Variants in GNAL observed in about 807,000 individuals in gnomAD.
GNAL encodes the protein G protein subunit alpha L.
GNAL carries 18 observed loss-of-function variants against 55.1 expected under a neutral mutation model. The observed-to-expected ratio is 0.33, with a 90% confidence interval of 0.23 to 0.48. The LOEUF (loss-of-function observed/expected upper bound fraction) is 0.48. Ranked by LOEUF, GNAL falls within the 20% of genes least tolerant of loss-of-function variation. The probability of loss-of-function intolerance (pLI) is 0.99; values close to 1 mark genes in which losing one functional copy is unlikely to be tolerated. For synonymous variants in GNAL, 253 were observed against 237.0 expected, an observed-to-expected ratio of 1.07 and a Z score of -0.62; for missense variants, 412 against 614.1, an observed-to-expected ratio of 0.67 and a Z score of 3.48.
intron 1 of GNAL, among the ~76,000 whole-genome samples, chr18:11,691,029 C>T (rs1452514955): frequency 3.4e-5 from 5 of 148,486 alleles, no homozygotes; most frequent in South Asian, 4.2e-4. Flanking sequence ...CCTGAGGAAT[C>T]GCCACACTGA....
intron 11 of GNAL, among the ~76,000 whole-genome samples, chr18:11,880,475 T>C (rs1293453012): frequency 6.6e-6 from 1 of 151,850 alleles, no homozygotes; most frequent in Non-Finnish European, 1.5e-5. Context: ...CTTGAGAGGC[T>C]GAGGCAGGAG....
intron 4 of GNAL, among the ~76,000 whole-genome samples, chr18:11,814,145 T>A (rs62097369): frequency 0.039 from 5,902 of 152,278 alleles, 135 homozygotes; most frequent in Middle Eastern, 0.054. Flanking sequence ...AATATTTCTT[T>A]GATAGAACAC....
chr18:11,855,541 A>T (rs2035986605), intron 5 of GNAL, among the ~76,000 whole-genome samples: 1 of 152,160 alleles, frequency 6.6e-6, no homozygotes, highest in Non-Finnish European at 1.5e-5. Flanking sequence ...CCCAGATGAT[A>T]CTGTGTGTGC....
chr18:11,777,570 G>T (rs530861789), intron 4 of GNAL, among the ~76,000 whole-genome samples: 1 of 152,328 alleles, frequency 6.6e-6, no homozygotes, highest in Non-Finnish European at 1.5e-5. Flanking sequence ...GATGAAAAGA[G>T]GCTTCAAATC....
intron 1 of GNAL, among the ~76,000 whole-genome samples, chr18:11,697,052 T>C (rs1381662462): frequency 6.6e-6 from 1 of 152,062 alleles, no homozygotes; most frequent in African/African-American, 2.4e-5. Context: ...TTGACAGGAG[T>C]AAATGAAATT....
At chr18:11,847,334 A>G (rs928643917) in intron 5 of GNAL, among the ~76,000 whole-genome samples, 1 of 151,908 alleles carries the variant, frequency 6.6e-6, no homozygotes, top group Non-Finnish European at 1.5e-5. Flanking sequence ...CCAGAAACAT[A>G]CTGATGAGAA....
intron 4 of GNAL, among the ~76,000 whole-genome samples, chr18:11,811,224 C>A (rs747075993): frequency 6.6e-6 from 1 of 152,194 alleles, no homozygotes; most frequent in East Asian, 1.9e-4. Context: ...CAGCCCTCCC[C>A]ACGGCTGATC....
At chr18:11,872,972 A>G (rs1297639177) in intron 10 of GNAL, among the ~76,000 whole-genome samples, 1 of 152,190 alleles carries the variant, frequency 6.6e-6, no homozygotes. Flanking sequence ...CAGCAGGGCC[A>G]GCAGCCATCC....
chr18:11,847,207 C>A (rs891008846), intron 5 of GNAL, among the ~76,000 whole-genome samples: 1 of 151,922 alleles, frequency 6.6e-6, no homozygotes, highest in Admixed American at 6.6e-5. Flanking sequence ...AACCAGAGGT[C>A]ACCATGCCAC....
Position 11,752,384 on chromosome 18 carries a change from GC to G in GNAL, c.377-468del, listed in dbSNP as rs1425973619. On this transcript the variant is annotated intron_variant, in intron 1 of 11. Transcript: ENST00000334049. This position sits in a 1 kb window ranked among gnomAD's most constrained non-coding sequence, Gnocchi z 4.5. ...CCGCACACGTCTCCAACTCTCTATT[GC>G]TTTTTGCGCACATTCCTAACTTCCT... The G allele has an allele frequency of 6.3e-7, 1 of 1,574,860 alleles. No homozygotes were observed. The highest frequency in any genetic ancestry group is 1.2e-5 in the South Asian group (1 of 86,752).
chr18:11,748,525 C>CG (rs35611946), intron 1 of GNAL, among the ~76,000 whole-genome samples: 46,696 of 151,976 alleles, frequency 0.31, 7,741 homozygotes, highest in African/African-American at 0.43. Context: ...TATTTTGGTA[C>CG]TTTTTCATCA....
At chr18:11,840,161 C>A (rs1482195322) in intron 5 of GNAL, among the ~76,000 whole-genome samples, 1 of 152,200 alleles carries the variant, frequency 6.6e-6, no homozygotes, top group African/African-American at 2.4e-5. Flanking sequence ...CATTTACTTA[C>A]AATTTTATTC....
chr18:11,689,401 C>G lies in GNAL; in HGVS notation c.-163C>G, dbSNP rs1412931343. 2.8e-6 allele frequency: 1 copy of G among 361,080 alleles called. No homozygotes were observed. Among genetic ancestry groups the G allele is most frequent in the African/African-American group, 2.1e-5 (1 of 46,960 alleles). The allele number at this position is 361,080 out of a possible 1,614,324, so 22.4% of individuals were successfully genotyped here. ...GCCCTCGGCCCCGGCCTGCCGCACC[C>G]CCTTCCCGCAGCTGGCGGCCGGCAG... On this transcript the variant is annotated 5_prime_UTR_variant, in exon 1 of 12. Transcript: ENST00000334049.
intron 5 of GNAL, among the ~76,000 whole-genome samples, chr18:11,848,542 C>T (rs1231490652): frequency 1.3e-5 from 2 of 151,752 alleles, no homozygotes; most frequent in South Asian, 2.1e-4. Context: ...CTGCAACCTC[C>T]ACCTTTCCAG....
chr18:11,730,181 G>T (rs1286497842), intron 1 of GNAL, among the ~76,000 whole-genome samples: 1 of 147,040 alleles, frequency 6.8e-6, no homozygotes, highest in African/African-American at 2.5e-5. Flanking sequence ...TTTTTTTGAG[G>T]CAGAGTATCC....
chr18:11,796,981 G>T (rs947921339), intron 4 of GNAL, among the ~76,000 whole-genome samples: 1 of 152,096 alleles, frequency 6.6e-6, no homozygotes, highest in African/African-American at 2.4e-5. Flanking sequence ...TTGAGACAGG[G>T]TCTCACTGTG....
intron 9 of GNAL, among the ~76,000 whole-genome samples, chr18:11,870,358 T>C (rs1241074147): frequency 6.6e-6 from 1 of 151,950 alleles, no homozygotes; most frequent in African/African-American, 2.4e-5. Flanking sequence ...CCGTCTCTAC[T>C]AAAACTACAA....
At chr18:11,851,432 C>T (rs1202172653) in intron 5 of GNAL, 17 of 1,434,072 alleles carry the variant, frequency 1.2e-5, no homozygotes, top group Non-Finnish European at 1.6e-5. Context: ...GGAGCGGCGG[C>T]CGGGAGCGGA....
chr18:11,854,452 G>C (rs1430430510), intron 5 of GNAL: 1 of 166,992 alleles, frequency 6.0e-6, no homozygotes, highest in Non-Finnish European at 1.5e-5. Context: ...GCATGTTATT[G>C]GATGTGAGTG....
Sources: gnomAD v4.1 joint callset for allele counts (sites outside exome capture counted in the v4.1 genomes callset) on GRCh38, gnomAD v4.1.1 for gene constraint, Gnocchi (gnomAD v3.1) non-coding constraint, MANE v1.5 for transcripts, NCBI Gene and HGNC (gene_info 2026-07-23, HGNC 2026-07-21) for gene names.